Variants in B3GAT2 observed in about 807,000 individuals in gnomAD.
The protein encoded by B3GAT2 is beta-1,3-glucuronyltransferase 2.
B3GAT2 carries 26 observed loss-of-function variants against 27.8 expected under a neutral mutation model. The observed-to-expected ratio is 0.93, with a 90% confidence interval of 0.68 to 1.30. B3GAT2 has a LOEUF of 1.30. Among genes scored for constraint, B3GAT2 ranks in the 50% most tolerant of loss-of-function variants. The pLI is 0.00. For synonymous variants in B3GAT2, 218 were observed against 195.1 expected (o/e 1.12, Z -0.98); for missense variants, 458 against 459.0 (o/e 1.00, Z 0.02).
At chr6:70,882,784 G>T (rs1435702808) in intron 2 of B3GAT2, among the ~76,000 whole-genome samples, 1 of 152,142 alleles carries the variant, frequency 6.6e-6, no homozygotes, top group Non-Finnish European at 1.5e-5. Context: ...TGCCGCAGAG[G>T]AAAGGCCATC....
chr6:70,893,239 C>G (rs1772321063), intron 2 of B3GAT2, among the ~76,000 whole-genome samples: 1 of 152,102 alleles, frequency 6.6e-6, no homozygotes, highest in South Asian at 2.1e-4. Context: ...TCCATCCCAT[C>G]AGAATTCTGA....
Position 70,903,787 on chromosome 6 carries a change from C to T in B3GAT2, c.592-9515G>A, listed in dbSNP as rs571879415. On this transcript the variant is annotated intron_variant, in intron 1 of 3. Transcript: ENST00000230053. ...GGAATAATTAGGTCTCATATACATT[C>T]TTGGTGGTAGTAAAAAATGGTAACA... is the stretch of plus-strand genomic sequence containing the variant. 3.0e-4 allele frequency among the ~76,000 whole-genome samples: 46 copies of T among 151,916 alleles called. 1 individual carries two copies. Among genetic ancestry groups the T allele is most frequent in the African/African-American group, 1.1e-3 (46 of 41,420 alleles).
intron 1 of B3GAT2, among the ~76,000 whole-genome samples, chr6:70,908,225 C>T (rs1449813381): frequency 6.6e-6 from 1 of 152,160 alleles, no homozygotes; most frequent in Non-Finnish European, 1.5e-5. Flanking sequence ...GCACCAAGGA[C>T]ATTGCCTCCA....
At chr6:70,884,523 C>T (rs1234557725) in intron 2 of B3GAT2, among the ~76,000 whole-genome samples, 1 of 152,102 alleles carries the variant, frequency 6.6e-6, no homozygotes, top group Non-Finnish European at 1.5e-5. Flanking sequence ...AGCAAGGCGG[C>T]CAGGGGCAGG....
At chr6:70,867,943 A>C (rs1468539734) in intron 2 of B3GAT2, among the ~76,000 whole-genome samples, 1 of 152,160 alleles carries the variant, frequency 6.6e-6, no homozygotes, top group Admixed American at 6.5e-5. Flanking sequence ...ATAAAAAGAC[A>C]ATAAATCATG....
chr6:70,910,026 A>G lies in B3GAT2; in HGVS notation c.592-15754T>C, dbSNP rs191135462. On this transcript the variant is annotated intron_variant, in intron 1 of 3. Coordinates refer to ENST00000230053, the MANE Select transcript of B3GAT2 (RefSeq NM_080742.3). ...GTAGCTGGGACTGCAAAAGCCCACC[A>G]CCACACCCGGCTAATTTTTTGTATT... Among the ~76,000 whole-genome samples the G allele has an allele frequency of 2.8e-3, 407 of 146,814 alleles. 6 individuals are homozygous for G. The highest frequency in any genetic ancestry group is 9.8e-3 in the African/African-American group (394 of 40,288).
At chr6:70,944,407 C>T (rs1301355259) in intron 1 of B3GAT2, among the ~76,000 whole-genome samples, 6 of 150,232 alleles carry the variant, frequency 4.0e-5, no homozygotes, top group African/African-American at 7.4e-5. Context: ...TAAAAAACGG[C>T]GCACCAGGAG....
chr6:70,946,309 C>A (rs1351948204), intron 1 of B3GAT2, among the ~76,000 whole-genome samples: 1 of 152,024 alleles, frequency 6.6e-6, no homozygotes, highest in East Asian at 1.9e-4. Context: ...AGTCAAGACC[C>A]ATCAGTGTGC....
chr6:70,956,788 G>A lies in B3GAT2; in HGVS notation c.-359C>T. ...ACCGCGCTCTTTCTGAAGAGTGGAA[G>A]CCGAGAAGCGGCACCCGGTGCGCCT... is the stretch of plus-strand genomic sequence containing the variant. On this transcript the variant is annotated 5_prime_UTR_variant, in exon 1 of 4. Coordinates refer to ENST00000230053, the MANE Select transcript of B3GAT2 (RefSeq NM_080742.3). The A allele has an allele frequency of 9.0e-7, 1 of 1,106,494 alleles. No individual in the cohort carries two copies. The highest frequency in any genetic ancestry group is 1.1e-6 in the Non-Finnish European group (1 of 907,104). 68.5% of individuals were successfully genotyped at this position (1,106,494 alleles called of 1,614,324 possible).
intron 1 of B3GAT2, among the ~76,000 whole-genome samples, chr6:70,924,971 T>A (rs1772929082): frequency 6.6e-6 from 1 of 152,218 alleles, no homozygotes; most frequent in Admixed American, 6.5e-5. Flanking sequence ...CCTTTTGAGA[T>A]GTCTTTTCAG....
intron 1 of B3GAT2, among the ~76,000 whole-genome samples, chr6:70,904,590 A>C (rs891222067): frequency 3.3e-5 from 5 of 152,186 alleles, no homozygotes; most frequent in African/African-American, 1.2e-4. Context: ...CTTGGGCCAA[A>C]AACGCCAAGA....
chr6:70,921,392 T>C lies in B3GAT2; in HGVS notation c.592-27120A>G, dbSNP rs372092563. 2.6e-5 allele frequency among the ~76,000 whole-genome samples: 4 copies of C among 152,364 alleles called. 1 individual carries two copies. Among genetic ancestry groups the C allele is most frequent in the African/African-American group, 9.6e-5 (4 of 41,600 alleles). ...TTCTGATGTTAGTAGTCTATTCTGA[T>C]GTTAACAATGCTTGTGATTGCATTA... On this transcript the variant is annotated intron_variant, in intron 1 of 3. Transcript: ENST00000230053.
Position 70,894,112 on chromosome 6 carries a change from C to A in B3GAT2, c.736+16G>T. 6.3e-7 allele frequency: 1 copy of A among 1,598,166 alleles called. No individual in the cohort carries two copies. The highest frequency in any genetic ancestry group is 1.7e-4 in the Middle Eastern group (1 of 5,974). On this transcript the variant is annotated intron_variant, in intron 2 of 3. Coordinates refer to ENST00000230053, the MANE Select transcript of B3GAT2 (RefSeq NM_080742.3). Reference sequence around the variant, plus strand: ...ACAGTCCAGCAGGAACAAATGTCATCACCCACACTGCTCACCTGCCATGTC... The same window carrying A: ...ACAGTCCAGCAGGAACAAATGTCATAACCCACACTGCTCACCTGCCATGTC...
At chr6:70,898,949 C>A (rs1772441806) in intron 1 of B3GAT2, among the ~76,000 whole-genome samples, 1 of 150,626 alleles carries the variant, frequency 6.6e-6, no homozygotes, top group Non-Finnish European at 1.5e-5. Context: ...GACAATGAAG[C>A]AAGACCCTGG....
At chr6:70,931,802 A>G (rs1277399081) in intron 1 of B3GAT2, among the ~76,000 whole-genome samples, 1 of 152,220 alleles carries the variant, frequency 6.6e-6, no homozygotes, top group Admixed American at 6.5e-5. Flanking sequence ...ATTATATTTC[A>G]TCAAAAATAA....
chr6:70,942,189 A>G (rs774582703), intron 1 of B3GAT2, among the ~76,000 whole-genome samples: 2 of 152,254 alleles, frequency 1.3e-5, no homozygotes, highest in African/African-American at 4.8e-5. Context: ...ACAAGTTTAC[A>G]TAAAGACATG....
intron 1 of B3GAT2, among the ~76,000 whole-genome samples, chr6:70,909,992 G>C (rs188619767): frequency 3.3e-5 from 5 of 152,228 alleles, no homozygotes; most frequent in South Asian, 2.1e-4. Flanking sequence ...TCCTGCCTCA[G>C]TCTCCCGAGT....
chr6:70,861,614 T>C lies in B3GAT2; in HGVS notation c.*49A>G. On this transcript the variant is annotated 3_prime_UTR_variant, in exon 4 of 4. Transcript: ENST00000230053. ...GTAGCCTAAACTCCAAACATCCTCT[T>C]CCATATGGATCCACTGGCTGGACAA... 1.3e-6 allele frequency: 2 copies of C among 1,541,520 alleles called. No homozygotes were observed. The highest frequency in any genetic ancestry group is 1.8e-6 in the Non-Finnish European group (2 of 1,118,344).
chr6:70,909,113 A>G (rs993503863), intron 1 of B3GAT2, among the ~76,000 whole-genome samples: 12 of 152,138 alleles, frequency 7.9e-5, no homozygotes, highest in African/African-American at 2.9e-4. Flanking sequence ...TCTAATTCAG[A>G]AAGCCCAAAC....
Sources: gnomAD v4.1 joint callset for allele counts (sites outside exome capture counted in the v4.1 genomes callset) on GRCh38, gnomAD v4.1.1 for gene constraint, MANE v1.5 for transcripts, NCBI Gene and HGNC (gene_info 2026-07-23, HGNC 2026-07-21) for gene names.